HIVEP3: variants seen among roughly 807,000 people sequenced by gnomAD.
The protein encoded by HIVEP3 is HIVEP zinc finger 3, also known as transcription factor HIVEP3.
In HIVEP3, 49 loss-of-function variants were observed where a neutral mutation model predicts 152.8. The ratio of observed to expected loss-of-function variants is 0.32; its 90% confidence interval spans 0.26 to 0.41. HIVEP3 has a LOEUF of 0.41. Among genes scored for constraint, HIVEP3 ranks in the 10% least tolerant of loss-of-function variants. HIVEP3 has a pLI of 1.00. For missense variants in HIVEP3, 2,790 were observed against 3,103.3 expected (o/e 0.90, Z 2.40); for synonymous variants, 1,269 against 1,289.0 (o/e 0.98, Z 0.33).
intron 1 of HIVEP3, among the ~76,000 whole-genome samples, chr1:41,935,907 T>A (rs1368133249): frequency 6.6e-6 from 1 of 151,880 alleles, no homozygotes; most frequent in African/African-American, 2.4e-5. Flanking sequence ...AGCAATGAGT[T>A]TCAAAGACAA....
intron 1 of HIVEP3, among the ~76,000 whole-genome samples, chr1:41,860,074 A>G (rs1466045743): frequency 2.0e-5 from 3 of 152,184 alleles, no homozygotes; most frequent in Non-Finnish European, 4.4e-5. Flanking sequence ...CCTCAAAGAA[A>G]AGATGGCTTG....
intron 5 of HIVEP3, among the ~76,000 whole-genome samples, chr1:41,534,751 C>G (rs1643356986): frequency 2.0e-5 from 3 of 152,204 alleles, no homozygotes; most frequent in Admixed American, 2.0e-4. Flanking sequence ...CTTTCCCACT[C>G]CAGGAGTTCC....
At chr1:41,691,937 C>T (rs373208077) in intron 2 of HIVEP3, among the ~76,000 whole-genome samples, 2 of 151,256 alleles carry the variant, frequency 1.3e-5, no homozygotes, top group African/African-American at 2.4e-5. Flanking sequence ...CTCCGCCTCC[C>T]GGGTTCAAGT....
chr1:41,846,644 C>T (rs957922418), intron 1 of HIVEP3, among the ~76,000 whole-genome samples: 2 of 152,222 alleles, frequency 1.3e-5, no homozygotes, highest in Non-Finnish European at 2.9e-5. Context: ...TCCAAGTTTT[C>T]TGCCCTGAGA....
chr1:41,894,753 A>T (rs1159801688), intron 1 of HIVEP3, among the ~76,000 whole-genome samples: 5 of 152,130 alleles, frequency 3.3e-5, no homozygotes, highest in African/African-American at 9.7e-5. Flanking sequence ...TTAGGCCTGA[A>T]ATTGCTCTCT....
chr1:41,645,592 T>A (rs1645447179), intron 2 of HIVEP3, among the ~76,000 whole-genome samples: 1 of 152,196 alleles, frequency 6.6e-6, no homozygotes, highest in South Asian at 2.1e-4. Flanking sequence ...ACCACTGTAA[T>A]TAAAAAACTA....
At chr1:42,022,577 G>C (rs1235179222) in intron 1 of HIVEP3, among the ~76,000 whole-genome samples, 1 of 152,166 alleles carries the variant, frequency 6.6e-6, no homozygotes, top group Non-Finnish European at 1.5e-5. Flanking sequence ...TTTGGGAAGA[G>C]ACTCTTGTTT....
chr1:41,722,437 CTTCCTTCCTTCT>C, intron 1 of HIVEP3, among the ~76,000 whole-genome samples: 3 of 149,576 alleles, frequency 2.0e-5, no homozygotes, highest in South Asian at 4.3e-4. Context: ...TCCTTCCTTC[CTTCCTTCCTTCT>C]TTCCTTCCTT....
rs572007419 is a variant in HIVEP3 at position 41,884,990 on chromosome 1, T to C, written c.-801+33423A>G. Among the ~76,000 whole-genome samples the C allele has an allele frequency of 9.2e-5, 14 of 152,334 alleles. No individual in the cohort carries two copies. In the East Asian group the frequency reaches 1.5e-3, roughly 17 times the overall value. ...GACTGTGGAATTTTGTTGCGGAGGA[T>C]TGGATACAGCTGTCAAATTCCAAAG... On this transcript the variant is annotated intron_variant, in intron 1 of 8. Coordinates refer to ENST00000372583, the MANE Select transcript of HIVEP3 (RefSeq NM_024503.5).
intron 2 of HIVEP3, among the ~76,000 whole-genome samples, chr1:41,656,771 A>T (rs1182790758): frequency 1.3e-5 from 2 of 152,246 alleles, no homozygotes; most frequent in African/African-American, 4.8e-5. Flanking sequence ...AAACACAGAG[A>T]ACTTAAAAAT....
intron 1 of HIVEP3, chr1:41,869,442 G>C (rs1381339635): frequency 6.6e-6 from 1 of 152,316 alleles, no homozygotes; most frequent in South Asian, 2.1e-4. Context: ...TCAGTGCCCA[G>C]TGAGGAGATG....
intron 5 of HIVEP3, among the ~76,000 whole-genome samples, chr1:41,545,611 C>T (rs1328341962): frequency 1.0e-4 from 14 of 136,068 alleles, no homozygotes; most frequent in African/African-American, 3.4e-4. Flanking sequence ...ACCACCATCA[C>T]CACCACTACC....
intron 2 of HIVEP3, among the ~76,000 whole-genome samples, chr1:41,659,933 A>G (rs1200447076): frequency 6.6e-6 from 1 of 152,262 alleles, no homozygotes; most frequent in Non-Finnish European, 1.5e-5. Context: ...GCTGCAGCCT[A>G]GAACACAATG....
chr1:41,754,695 T>C (rs1455174266), intron 1 of HIVEP3, among the ~76,000 whole-genome samples: 2 of 152,152 alleles, frequency 1.3e-5, no homozygotes, highest in Non-Finnish European at 2.9e-5. Flanking sequence ...AAACCTCAAA[T>C]GTGAATCTTG....
chr1:41,958,318 A>G (rs1223493776), intron 1 of HIVEP3, among the ~76,000 whole-genome samples: 1 of 152,228 alleles, frequency 6.6e-6, no homozygotes, highest in Non-Finnish European at 1.5e-5. Flanking sequence ...GAGCGAGACA[A>G]TGCCATTGTA....
At chr1:41,669,526 G>A (rs1387534034) in intron 2 of HIVEP3, among the ~76,000 whole-genome samples, 9 of 152,214 alleles carry the variant, frequency 5.9e-5, no homozygotes, top group Admixed American at 5.9e-4. Context: ...TAACATGGGA[G>A]AGCTTCATCC....
chr1:41,942,423 C>T (rs1645050356), intron 1 of HIVEP3, among the ~76,000 whole-genome samples: 1 of 152,202 alleles, frequency 6.6e-6, no homozygotes, highest in African/African-American at 2.4e-5. Context: ...CACATCATTT[C>T]CCCTTGTCAG....
At chr1:41,708,854 G>A (rs999109734) in intron 1 of HIVEP3, among the ~76,000 whole-genome samples, 1 of 152,186 alleles carries the variant, frequency 6.6e-6, no homozygotes. Context: ...CATCCCCCAT[G>A]TCTTCTCTGC....
At chr1:41,882,684 TC>T (rs755851404) in intron 1 of HIVEP3, among the ~76,000 whole-genome samples, 2 of 152,214 alleles carry the variant, frequency 1.3e-5, no homozygotes, top group African/African-American at 2.4e-5. Flanking sequence ...GACTGTGAGC[TC>T]CTGGAAGTCC....
Sources: allele counts gnomAD v4.1 joint callset (sites outside exome capture counted in the v4.1 genomes callset), GRCh38; gene constraint gnomAD v4.1.1; transcripts MANE v1.5; gene names NCBI Gene and HGNC (gene_info 2026-07-23, HGNC 2026-07-21).